The following CADM2 variants were observed in gnomAD, a reference collection of about 807,000 sequenced individuals.
The protein encoded by CADM2 is cell adhesion molecule 2.
A neutral mutation model predicts 49.8 loss-of-function variants in CADM2; 12 were observed. That is an observed-to-expected ratio of 0.24 (90% CI 0.15 to 0.39). The LOEUF is 0.39. CADM2 is among the 10% of genes least tolerant of loss of function. The pLI, the probability that CADM2 is intolerant of heterozygous loss-of-function variation, is 1.00. For missense variants in CADM2, 378 were observed against 492.3 expected (o/e 0.77, Z 2.20); for synonymous variants, 214 against 175.4 (o/e 1.22, Z -1.74).
chr3:85,043,754 C>T (rs1375669509), intron 1 of CADM2, among the ~76,000 whole-genome samples: 1 of 152,040 alleles, frequency 6.6e-6, no homozygotes, highest in Non-Finnish European at 1.5e-5. Context: ...ATACTGTCTT[C>T]CTTTTCTGGT....
chr3:85,633,081 A>G (rs1297025940), intron 1 of CADM2, among the ~76,000 whole-genome samples: 1 of 152,056 alleles, frequency 6.6e-6, no homozygotes, highest in African/African-American at 2.4e-5. Flanking sequence ...ATTGACAACA[A>G]CTATGGAAAG....
chr3:85,048,310 T>A (rs1326025592), intron 1 of CADM2, among the ~76,000 whole-genome samples: 2 of 152,152 alleles, frequency 1.3e-5, no homozygotes, highest in Non-Finnish European at 2.9e-5. Flanking sequence ...TACAGACAGA[T>A]GTGTTCAAAT....
intron 1 of CADM2, among the ~76,000 whole-genome samples, chr3:85,200,934 C>A (rs2041482504): frequency 2.6e-5 from 4 of 152,028 alleles, no homozygotes. Context: ...TAACCATTTT[C>A]ACTCTCTTAA....
At chr3:86,060,209 A>T (rs1738459388) in intron 8 of CADM2, among the ~76,000 whole-genome samples, 1 of 149,068 alleles carries the variant, frequency 6.7e-6, no homozygotes, top group Non-Finnish European at 1.5e-5. Flanking sequence ...TTAACAGATC[A>T]AATCGTTTTA....
At chr3:85,433,140 CT>C (rs67960974) in intron 1 of CADM2, among the ~76,000 whole-genome samples, 37,963 of 151,108 alleles carry the variant, frequency 0.25, 4,937 homozygotes, top group South Asian at 0.34. Context: ...TCTGAGTCCT[CT>C]TTTTTTTTCT....
At chr3:85,526,040 T>C (rs1426586295) in intron 1 of CADM2, among the ~76,000 whole-genome samples, 1 of 152,172 alleles carries the variant, frequency 6.6e-6, no homozygotes, top group Non-Finnish European at 1.5e-5. Flanking sequence ...TTATCTTTTC[T>C]CTCTGACACC....
intron 1 of CADM2, chr3:85,512,031 G>GGGTACATGT (rs1336568211): frequency 2.4e-5 from 5 of 208,894 alleles, no homozygotes; most frequent in African/African-American, 1.2e-4. Flanking sequence ...TACATTCACA[G>GGGTACATGT]GGTACATGTA....
At chr3:85,863,018 G>A (rs1248546263) in intron 3 of CADM2, among the ~76,000 whole-genome samples, 2 of 152,182 alleles carry the variant, frequency 1.3e-5, no homozygotes, top group Non-Finnish European at 2.9e-5. Flanking sequence ...ATTCTGAACT[G>A]CTTATTAGGT....
intron 1 of CADM2, among the ~76,000 whole-genome samples, chr3:85,174,994 A>G (rs921326767): frequency 1.3e-5 from 2 of 152,214 alleles, no homozygotes; most frequent in Non-Finnish European, 2.9e-5. Context: ...TGAAGAAGAT[A>G]TACAAATGGA....
intron 7 of CADM2, among the ~76,000 whole-genome samples, chr3:85,949,991 G>A (rs1205992569): frequency 2.0e-5 from 3 of 150,964 alleles, no homozygotes; most frequent in Non-Finnish European, 3.0e-5. Context: ...GATGTACGCA[G>A]GTTGATAAAA....
At chr3:85,239,599 A>G (rs1268916663) in intron 1 of CADM2, among the ~76,000 whole-genome samples, 1 of 151,648 alleles carries the variant, frequency 6.6e-6, no homozygotes, top group Non-Finnish European at 1.5e-5. Flanking sequence ...AGATATTAAG[A>G]GAAAATGCAT....
intron 1 of CADM2, among the ~76,000 whole-genome samples, chr3:85,061,767 CTATT>C (rs1182687829): frequency 1.3e-5 from 2 of 152,038 alleles, no homozygotes; most frequent in African/African-American, 4.8e-5. Context: ...AAAATACAGT[CTATT>C]TGTGTTCGGT....
intron 1 of CADM2, among the ~76,000 whole-genome samples, chr3:85,640,097 C>G (rs1404912625): frequency 6.6e-6 from 1 of 152,184 alleles, no homozygotes; most frequent in East Asian, 1.9e-4. Context: ...TCAATGTCCT[C>G]CGTGTAATTC....
At chr3:85,790,099 C>G (rs144516666) in intron 2 of CADM2, among the ~76,000 whole-genome samples, 65 of 152,188 alleles carry the variant, frequency 4.3e-4, no homozygotes, top group African/African-American at 1.3e-3. Flanking sequence ...TAAAACAAAA[C>G]TAATGGGAGA....
chr3:85,526,462 C>T (rs1559886910), intron 1 of CADM2, among the ~76,000 whole-genome samples: 1 of 151,924 alleles, frequency 6.6e-6, no homozygotes, highest in African/African-American at 2.4e-5. Flanking sequence ...AGTAGGTTTT[C>T]AACAAAACAA....
At chr3:85,061,266 C>T (rs541886104) in intron 1 of CADM2, among the ~76,000 whole-genome samples, 6 of 152,144 alleles carry the variant, frequency 3.9e-5, no homozygotes, top group Admixed American at 1.3e-4. Flanking sequence ...CATTGCCAGT[C>T]ATTCACCATT....
chr3:85,210,172 G>A (rs1356577400), intron 1 of CADM2, among the ~76,000 whole-genome samples: 1 of 152,144 alleles, frequency 6.6e-6, no homozygotes, highest in East Asian at 1.9e-4. Context: ...AGTTTCTTAA[G>A]AGTTTTTATC....
At chr3:85,506,252 G>A (rs184926899) in intron 1 of CADM2, among the ~76,000 whole-genome samples, 138 of 152,276 alleles carry the variant, frequency 9.1e-4, no homozygotes, top group Non-Finnish European at 1.7e-3. Context: ...TGTGTTGTTT[G>A]TTTTGTTCTG....
chr3:85,272,768 A>T (rs528635985), intron 1 of CADM2, among the ~76,000 whole-genome samples: 3 of 151,352 alleles, frequency 2.0e-5, no homozygotes, highest in Non-Finnish European at 4.4e-5. Context: ...TCCTGTGCTT[A>T]TTCGTCCATT....
Sources: gnomAD v4.1 joint callset for allele counts (sites outside exome capture counted in the v4.1 genomes callset) on GRCh38, gnomAD v4.1.1 for gene constraint, MANE v1.5 for transcripts, NCBI Gene and HGNC (gene_info 2026-07-23, HGNC 2026-07-21) for gene names.